The following SSPN variants were observed in gnomAD, a reference collection of about 807,000 sequenced individuals.
SSPN encodes the protein sarcospan, also known as K-ras oncogene-associated protein.
In SSPN, 15 loss-of-function variants were observed where a neutral mutation model predicts 19.1. The observed-to-expected ratio is 0.78, with a 90% CI of 0.52 to 1.21. The LOEUF is 1.21. SSPN is among the 50% of genes most tolerant of loss of function. The pLI is 0.00. For missense variants in SSPN, 291 were observed against 314.0 expected, an observed-to-expected ratio of 0.93 and a Z score of 0.55; for synonymous variants, 147 against 140.3, an observed-to-expected ratio of 1.05 and a Z score of -0.34.
Position 26,230,932 on chromosome 12 carries a change from C to T in SSPN, c.588C>T (p.Leu196=), listed in dbSNP as rs1339159697. Reference sequence around the variant, plus strand: ...CTGGCACTTTCAAACTGTTCTTACTCATCCAGATGATTCTTAATTTGGTCT... The same window carrying T: ...CTGGCACTTTCAAACTGTTCTTACTTATCCAGATGATTCTTAATTTGGTCT... ...SVTGTFKLFL[L]IQMILNLVCG... Residue 196 remains leucine (L), a synonymous_variant, in exon 3 of 3, where the codon CTC becomes CTT. Coordinates refer to ENST00000242729, the MANE Select transcript of SSPN (RefSeq NM_005086.5). The T allele has an allele frequency of 6.2e-7, 1 of 1,614,080 alleles. No individual in the cohort carries two copies. Among genetic ancestry groups the T allele is most frequent in the Non-Finnish European group, 8.5e-7 (1 of 1,180,052 alleles).
chr12:26,158,447 C>G (rs1246625183), intron 1 of SSPN, among the ~76,000 whole-genome samples: 3 of 152,244 alleles, frequency 2.0e-5, no homozygotes, highest in African/African-American at 4.8e-5. Context: ...CTAGCCACAT[C>G]CATCTCCCCA....
chr12:26,181,268 A>G (rs1466099313), intron 1 of SSPN: 1 of 152,214 alleles, frequency 6.6e-6, no homozygotes, highest in Non-Finnish European at 1.5e-5. Context: ...TACTCAATAC[A>G]GTTGGAAAAA....
intron 1 of SSPN, among the ~76,000 whole-genome samples, chr12:26,177,851 A>G (rs1399770128): frequency 6.6e-6 from 1 of 152,108 alleles, no homozygotes; most frequent in East Asian, 1.9e-4. Flanking sequence ...CTCCAGTTCT[A>G]TATCTCTCAC....
intron 1 of SSPN, among the ~76,000 whole-genome samples, chr12:26,207,146 G>A (rs893253572): frequency 6.6e-5 from 10 of 152,210 alleles, no homozygotes; most frequent in African/African-American, 1.7e-4. Context: ...TTTGGAGTAA[G>A]GGTAGAATTC....
At chr12:26,196,783 C>T (rs1944834342) in intron 1 of SSPN, among the ~76,000 whole-genome samples, 1 of 152,238 alleles carries the variant, frequency 6.6e-6, no homozygotes, top group Admixed American at 6.5e-5. Context: ...TCTCACTTCT[C>T]AAATGAGGGA....
intron 1 of SSPN, among the ~76,000 whole-genome samples, chr12:26,183,192 C>G (rs1303635088): frequency 6.6e-6 from 1 of 152,204 alleles, no homozygotes; most frequent in Non-Finnish European, 1.5e-5. Flanking sequence ...TTTGGACACA[C>G]AATTCAGAAT....
chr12:26,122,369 G>T (rs1944316627), intron 1 of SSPN: 7 of 1,196,690 alleles, frequency 5.8e-6, no homozygotes, highest in African/African-American at 3.2e-5. Flanking sequence ...GGAACGGGGC[G>T]GCAGCCGCCG....
rs1430071334 is a variant in SSPN, at chr12:26,232,748, A to T, written c.*1672A>T. ...TCTAGATAAAACACCCGATTAACAG[A>T]TGTTAAACCTTTTAATGTTTTGATT... On this transcript the variant is annotated 3_prime_UTR_variant, in exon 3 of 3. Transcript: ENST00000242729. 6 of 979,928 alleles carry T rather than the reference A, an allele frequency of 6.1e-6. No individual in the cohort carries two copies. Among genetic ancestry groups the T allele is most frequent in the African/African-American group, 1.8e-5 (1 of 57,110 alleles). 60.7% of individuals were successfully genotyped at this position (979,928 alleles called of 1,614,324 possible). A position where few individuals can be genotyped will look rare whatever the true frequency, so the allele number is the denominator to read the frequency against.
rs560776498 is a variant in SSPN at position 26,139,200 on chromosome 12, A to G, written c.-31+17048A>G. On this transcript the variant is annotated intron_variant, in intron 1 of 2. Transcript: ENST00000538142. ...CCATATAGCCAACTGATTTTCACTGAGTGCTTTTATTGATTTTTGCTAAAT... is the reference window on the plus strand; with the variant it reads ...CCATATAGCCAACTGATTTTCACTGGGTGCTTTTATTGATTTTTGCTAAAT... Among the ~76,000 whole-genome samples the G allele has an allele frequency of 5.1e-4, 78 of 152,290 alleles. 1 individual carries two copies. Among genetic ancestry groups the G allele is most frequent in the Admixed American group, 5.0e-3 (76 of 15,292 alleles).
chr12:26,176,589 T>A (rs1329304161), intron 1 of SSPN, among the ~76,000 whole-genome samples: 1 of 152,208 alleles, frequency 6.6e-6, no homozygotes, highest in Non-Finnish European at 1.5e-5. Flanking sequence ...AACTTCTTTA[T>A]CAAAAATCTT....
At chr12:26,212,730 T>C (rs190405188) in intron 1 of SSPN, among the ~76,000 whole-genome samples, 3 of 152,256 alleles carry the variant, frequency 2.0e-5, no homozygotes, top group Non-Finnish European at 1.5e-5. Flanking sequence ...CTTCCAGATA[T>C]ATCATAGGCC....
chr12:26,166,236 G>C (rs1221267146), intron 1 of SSPN, among the ~76,000 whole-genome samples: 1 of 152,108 alleles, frequency 6.6e-6, no homozygotes, highest in South Asian at 2.1e-4. Context: ...AAACCTGCAT[G>C]TTCTGCACAT....
chr12:26,128,839 A>G (rs1565667397), intron 1 of SSPN, among the ~76,000 whole-genome samples: 2 of 152,108 alleles, frequency 1.3e-5, no homozygotes, highest in Admixed American at 1.3e-4. Context: ...TCTTTGGTTA[A>G]GTAAGGAAAT....
chr12:26,209,317 T>C (rs967691358), intron 1 of SSPN, among the ~76,000 whole-genome samples: 12 of 152,154 alleles, frequency 7.9e-5, no homozygotes, highest in African/African-American at 2.9e-4. Flanking sequence ...TAAACAGTTC[T>C]TGAATGCTTG....
At chr12:26,224,986 A>C in intron 2 of SSPN, among the ~76,000 whole-genome samples, 1 of 152,230 alleles carries the variant, frequency 6.6e-6, no homozygotes, top group East Asian at 1.9e-4. Context: ...TCTACTCCAA[A>C]GGGAAGCAAA....
rs372865834 is a variant in SSPN, at chr12:26,182,041, T to A, written c.-30-42252T>A. Among the ~76,000 whole-genome samples the A allele has an allele frequency of 2.8e-4, 43 of 152,334 alleles. No homozygotes were observed. The East Asian group carries it at 6.0e-3, about 21-fold the overall frequency. ...GTATTCTTGAAGGATGGCTTTAGGCTTTGGAACAATTGACAGTTGTTTAGA... is the reference window on the plus strand; with the variant it reads ...GTATTCTTGAAGGATGGCTTTAGGCATTGGAACAATTGACAGTTGTTTAGA... On this transcript the variant is annotated intron_variant, in intron 1 of 2. Transcript: ENST00000538142.
intron 1 of SSPN, among the ~76,000 whole-genome samples, chr12:26,223,634 G>A (rs77364837): frequency 0.016 from 2,492 of 152,170 alleles, 45 homozygotes; most frequent in Middle Eastern, 0.054. Context: ...TTTGAATCCG[G>A]GTTCCAAAGA....
At chr12:26,217,933 G>A (rs1945073497) in intron 1 of SSPN, among the ~76,000 whole-genome samples, 1 of 152,174 alleles carries the variant, frequency 6.6e-6, no homozygotes, top group East Asian at 1.9e-4. Context: ...TCTAGAACTG[G>A]AAATACCATT....
chr12:26,157,645 G>T (rs1332650343), intron 1 of SSPN, among the ~76,000 whole-genome samples: 1 of 152,132 alleles, frequency 6.6e-6, no homozygotes, highest in Non-Finnish European at 1.5e-5. Flanking sequence ...AGAAATAATG[G>T]TCAAGGTGAC....
Sources: gnomAD v4.1 joint callset for allele counts (sites outside exome capture counted in the v4.1 genomes callset) on GRCh38, gnomAD v4.1.1 for gene constraint, MANE v1.5 for transcripts, NCBI Gene and HGNC (gene_info 2026-07-23, HGNC 2026-07-21) for gene names.